PINX1: variants seen among roughly 807,000 people sequenced by gnomAD.
PINX1 encodes PIN2 (TERF1) interacting telomerase inhibitor 1, also known as PIN2/TERF1-interacting telomerase inhibitor 1.
A neutral mutation model predicts 25.4 loss-of-function variants in PINX1; 34 were observed. The observed-to-expected ratio is 1.34, with a 90% CI of 1.02 to 1.78. The LOEUF is 1.78. PINX1 is among the 40% of genes most tolerant of loss of function. The pLI, the probability that PINX1 is intolerant of heterozygous loss-of-function variation, is 0.00. For missense variants in PINX1, 592 were observed against 404.9 expected (o/e 1.46, Z -3.97); for synonymous variants, 197 against 147.7 (o/e 1.33, Z -2.42).
At chr8:10,774,504 C>A (rs1277874655) in intron 6 of PINX1, among the ~76,000 whole-genome samples, 1 of 152,184 alleles carries the variant, frequency 6.6e-6, no homozygotes, top group African/African-American at 2.4e-5. Context: ...TGGTCTCGAA[C>A]TCCCGACCTC....
intron 6 of PINX1, among the ~76,000 whole-genome samples, chr8:10,805,222 G>A (rs1405630291): frequency 6.6e-6 from 1 of 152,216 alleles, no homozygotes; most frequent in Non-Finnish European, 1.5e-5. Context: ...CGTGCTTGGA[G>A]GAACCATCCA....
chr8:10,818,704 T>A (rs545620696), intron 6 of PINX1, among the ~76,000 whole-genome samples: 18 of 151,748 alleles, frequency 1.2e-4, no homozygotes, highest in Admixed American at 6.6e-4. Context: ...TCTCAAGGTA[T>A]GGGAGGGACG....
chr8:10,811,820 A>C (rs1210359451), intron 6 of PINX1, among the ~76,000 whole-genome samples: 1 of 152,194 alleles, frequency 6.6e-6, no homozygotes, highest in African/African-American at 2.4e-5. Context: ...ACGAGGCCTC[A>C]GAAGTCACCT....
chr8:10,772,239 G>C (rs1406361416), intron 6 of PINX1, among the ~76,000 whole-genome samples: 2 of 152,236 alleles, frequency 1.3e-5, no homozygotes, highest in Non-Finnish European at 2.9e-5. Context: ...AGCAGCCTCT[G>C]GTAGCAAGCT....
intron 6 of PINX1, among the ~76,000 whole-genome samples, chr8:10,774,653 A>G (rs1000769387): frequency 6.6e-6 from 1 of 152,256 alleles, no homozygotes; most frequent in Non-Finnish European, 1.5e-5. Flanking sequence ...TACATGGAAT[A>G]ATTAAGTAGT....
chr8:10,817,688 G>C (rs1797742693), intron 6 of PINX1, among the ~76,000 whole-genome samples: 1 of 152,170 alleles, frequency 6.6e-6, no homozygotes, highest in African/African-American at 2.4e-5. Flanking sequence ...TATCACCTGG[G>C]GGCTCCTCGG....
chr8:10,816,743 G>T (rs904194142), intron 6 of PINX1, among the ~76,000 whole-genome samples: 2 of 152,228 alleles, frequency 1.3e-5, no homozygotes, highest in South Asian at 4.1e-4. Context: ...CCCCTTCAAT[G>T]TAGATTTTTT....
chr8:10,784,034 A>C (rs1172362199), intron 6 of PINX1, among the ~76,000 whole-genome samples: 2 of 152,228 alleles, frequency 1.3e-5, no homozygotes, highest in African/African-American at 2.4e-5. Flanking sequence ...AAGAATCCCT[A>C]TAAAGAGTCT....
intron 6 of PINX1, among the ~76,000 whole-genome samples, chr8:10,800,128 C>G (rs1329454414): frequency 6.6e-6 from 1 of 152,154 alleles, no homozygotes; most frequent in Non-Finnish European, 1.5e-5. Context: ...ATGGAAATAA[C>G]ATTTTTTCTA....
At chr8:10,818,866 G>A (rs1269558751) in intron 6 of PINX1, among the ~76,000 whole-genome samples, 4 of 152,192 alleles carry the variant, frequency 2.6e-5, no homozygotes, top group Non-Finnish European at 5.9e-5. Flanking sequence ...AGAGGGGTTG[G>A]AGAGGAGGCT....
At chr8:10,785,852 T>C (rs566976654) in intron 6 of PINX1, among the ~76,000 whole-genome samples, 1 of 152,320 alleles carries the variant, frequency 6.6e-6, no homozygotes, top group South Asian at 2.1e-4. Flanking sequence ...GGAACACAAA[T>C]AGTGTACTGA....
At chr8:10,797,030 C>A (rs2129078548) in intron 6 of PINX1, among the ~76,000 whole-genome samples, 1 of 152,118 alleles carries the variant, frequency 6.6e-6, no homozygotes, top group South Asian at 2.1e-4. Context: ...AACAGCCCCA[C>A]AGCTTGAATG....
chr8:10,799,457 C>G (rs78359407), intron 6 of PINX1, among the ~76,000 whole-genome samples: 13 of 152,176 alleles, frequency 8.5e-5, no homozygotes, highest in African/African-American at 2.9e-4. Flanking sequence ...CTGGCTCTGC[C>G]ATTTCTCTTA....
intron 5 of PINX1, among the ~76,000 whole-genome samples, chr8:10,820,954 A>G (rs1797848511): frequency 6.6e-6 from 1 of 152,214 alleles, no homozygotes; most frequent in South Asian, 2.1e-4. Flanking sequence ...TTAAAACACT[A>G]AACTCTTTAA....
At chr8:10,824,572 C>T (rs982136602) in intron 5 of PINX1, among the ~76,000 whole-genome samples, 1 of 152,156 alleles carries the variant, frequency 6.6e-6, no homozygotes, top group African/African-American at 2.4e-5. Context: ...ACAGGGTCAC[C>T]CAGCAAAGGA....
intron 3 of PINX1, among the ~76,000 whole-genome samples, chr8:10,832,375 A>T (rs1246302863): frequency 2.0e-5 from 3 of 152,264 alleles, no homozygotes; most frequent in Non-Finnish European, 4.4e-5. Context: ...CCTTACTCAC[A>T]TTCTTAGCAA....
intron 6 of PINX1, among the ~76,000 whole-genome samples, chr8:10,776,918 G>A (rs532739024): frequency 5.4e-4 from 82 of 152,280 alleles, no homozygotes; most frequent in Admixed American, 1.4e-3. Flanking sequence ...AATCTGGGGA[G>A]GAATGTTATT....
At chr8:10,790,050 C>G (rs575773695) in intron 6 of PINX1, among the ~76,000 whole-genome samples, 1 of 152,298 alleles carries the variant, frequency 6.6e-6, no homozygotes, top group East Asian at 1.9e-4. Context: ...GCGGCAGGTC[C>G]TGACCCTCAT....
intron 6 of PINX1, among the ~76,000 whole-genome samples, chr8:10,790,174 A>C (rs749943513): frequency 1.3e-5 from 2 of 151,900 alleles, no homozygotes; most frequent in African/African-American, 4.8e-5. Flanking sequence ...TTCCTCCCCA[A>C]CTACACCCCA....
Sources: gnomAD v4.1 joint callset for allele counts (sites outside exome capture counted in the v4.1 genomes callset) on GRCh38, gnomAD v4.1.1 for gene constraint, MANE v1.5 for transcripts, NCBI Gene and HGNC (gene_info 2026-07-23, HGNC 2026-07-21) for gene names.